The following KIAA0232 variants were observed in gnomAD, a reference collection of about 807,000 sequenced individuals.
KIAA0232 encodes uncharacterized protein KIAA0232.
Under a neutral mutation model 122.0 loss-of-function variants are expected in KIAA0232, and 27 were observed. The observed-to-expected ratio is 0.22, with a 90% CI of 0.16 to 0.31. KIAA0232 has a LOEUF of 0.31. KIAA0232 is among the 10% of genes least tolerant of loss of function. The pLI, the probability that KIAA0232 is intolerant of heterozygous loss-of-function variation, is 1.00. For synonymous variants in KIAA0232, 613 were observed against 587.6 expected (o/e 1.04, Z -0.63); for missense variants, 1,551 against 1,634.2 (o/e 0.95, Z 0.88).
intron 9 of KIAA0232, among the ~76,000 whole-genome samples, chr4:6,879,216 G>A (rs762411015): frequency 6.6e-6 from 1 of 152,030 alleles, no homozygotes; most frequent in Non-Finnish European, 1.5e-5. Context: ...ATGACCTCAC[G>A]AGCAGTATCT....
At chr4:6,812,275 C>A (rs1463733847) in intron 2 of KIAA0232, among the ~76,000 whole-genome samples, 1 of 152,116 alleles carries the variant, frequency 6.6e-6, no homozygotes, top group Non-Finnish European at 1.5e-5. Context: ...TGGAAATGTA[C>A]TATATTTGCA....
In KIAA0232 at chr4:6,824,662, A is replaced by G. The variant is rs753539349; in HGVS notation, c.209A>G (p.Tyr70Cys). ...CTCAGTCTTCTGCTGCATGACAGCT[A>G]TGACTACGACCTGCAGGAACAGGTA... ...YVLSLLLHDS[Y>C]DYDLQEQEND... is the part of the protein sequence containing the mutation. Residue 70 changes from tyrosine to cysteine, a missense_variant, in exon 3 of 10, where the codon TAT (tyrosine) becomes TGT (cysteine). By Grantham distance (194) the Tyr-to-Cys change is radical. Coordinates refer to ENST00000307659, the MANE Select transcript of KIAA0232 (RefSeq NM_014743.3). 45 of 1,613,944 alleles carry G rather than the reference A, an allele frequency of 2.8e-5. No homozygotes were observed. Among genetic ancestry groups the G allele is most frequent in the East Asian group, 4.5e-5 (2 of 44,904 alleles).
chr4:6,858,054 A>C (rs964323660), intron 5 of KIAA0232, among the ~76,000 whole-genome samples: 5 of 152,262 alleles, frequency 3.3e-5, no homozygotes, highest in African/African-American at 9.6e-5. Context: ...AAGATGAGTC[A>C]ATGTAAAGTC....
At chr4:6,812,719 A>C (rs1717934475) in intron 2 of KIAA0232, among the ~76,000 whole-genome samples, 1 of 152,172 alleles carries the variant, frequency 6.6e-6, no homozygotes, top group Non-Finnish European at 1.5e-5. Context: ...ATATCGGTTG[A>C]ATAGAGCTGC....
intron 3 of KIAA0232, among the ~76,000 whole-genome samples, chr4:6,833,831 A>G (rs1490993124): frequency 1.3e-5 from 2 of 152,050 alleles, no homozygotes; most frequent in Non-Finnish European, 2.9e-5. Context: ...GGGTGAAAAA[A>G]CTTGTACTAC....
Position 6,872,207 on chromosome 4 carries a change from C to G in KIAA0232, c.3910+525C>G, listed in dbSNP as rs551107894. Among the ~76,000 whole-genome samples the G allele has an allele frequency of 4.6e-5, 7 of 152,236 alleles. No homozygotes were observed. The South Asian group carries it at 1.5e-3, about 32-fold the overall frequency. ...AGGTCAGATGTTGTTTAGAACAATTCTAGTAACAGAGTGGAAATGGAATTG... is the reference window on the plus strand; with the variant it reads ...AGGTCAGATGTTGTTTAGAACAATTGTAGTAACAGAGTGGAAATGGAATTG... On this transcript the variant is annotated intron_variant, in intron 8 of 9. Transcript: ENST00000307659.
intron 3 of KIAA0232, among the ~76,000 whole-genome samples, chr4:6,827,910 G>C (rs1560177820): frequency 6.6e-6 from 1 of 151,756 alleles, no homozygotes; most frequent in Non-Finnish European, 1.5e-5. Flanking sequence ...TACTCTGTCT[G>C]GGAAGTATAT....
intron 9 of KIAA0232, among the ~76,000 whole-genome samples, chr4:6,876,974 C>T (rs1177025557): frequency 2.6e-5 from 4 of 152,210 alleles, no homozygotes; most frequent in Non-Finnish European, 5.9e-5. Flanking sequence ...GCCAGTGCTT[C>T]CTGAAGAATC....
intron 4 of KIAA0232, among the ~76,000 whole-genome samples, chr4:6,854,208 G>A (rs1452295700): frequency 1.3e-5 from 2 of 152,178 alleles, no homozygotes; most frequent in Non-Finnish European, 2.9e-5. Context: ...AAGTGACTAA[G>A]GTGACAGGGA....
At chr4:6,795,225 C>T (rs796381797) in intron 1 of KIAA0232, among the ~76,000 whole-genome samples, 9 of 152,222 alleles carry the variant, frequency 5.9e-5, no homozygotes, top group African/African-American at 2.2e-4. Flanking sequence ...CACCCACCAC[C>T]ACGCCTAGCT....
chr4:6,798,433 G>A (rs929220251), intron 1 of KIAA0232, among the ~76,000 whole-genome samples: 2 of 152,188 alleles, frequency 1.3e-5, no homozygotes, highest in Non-Finnish European at 2.9e-5. Flanking sequence ...AACCTGTGTA[G>A]TGTAGCATTG....
chr4:6,803,397 T>C (rs546638665), intron 1 of KIAA0232, among the ~76,000 whole-genome samples: 2 of 152,260 alleles, frequency 1.3e-5, no homozygotes, highest in African/African-American at 4.8e-5. Flanking sequence ...ATGCCAAACA[T>C]TGAAACATGA....
At position 6,881,034 on chromosome 4, in the gene KIAA0232, C is replaced by A; in HGVS notation, c.*68C>A. 1 of 1,151,752 alleles carries A rather than the reference C, an allele frequency of 8.7e-7. No homozygotes were observed. The highest frequency in any genetic ancestry group is 1.1e-6 in the Non-Finnish European group (1 of 875,554). The allele number at this position is 1,151,752 out of a possible 1,614,324, so 71.3% of individuals were successfully genotyped here. Reference sequence around the variant, plus strand: ...ATGGAAAATTACTCTTCAGTGAGACCTGTTAATCTAAAACAACAACTTAGG... The same window carrying A: ...ATGGAAAATTACTCTTCAGTGAGACATGTTAATCTAAAACAACAACTTAGG... On this transcript the variant is annotated 3_prime_UTR_variant, in exon 10 of 10. Coordinates refer to ENST00000307659, the MANE Select transcript of KIAA0232 (RefSeq NM_014743.3).
chr4:6,821,658 GTA>G (rs1718430327), intron 2 of KIAA0232, among the ~76,000 whole-genome samples: 1 of 147,504 alleles, frequency 6.8e-6, no homozygotes. Flanking sequence ...GTATATACGT[GTA>G]TGTGTATACA....
rs1266836187 is a variant in KIAA0232 at position 6,842,610 on chromosome 4, G to C, written c.369+406G>C. 2.7e-5 allele frequency among the ~76,000 whole-genome samples: 4 copies of C among 145,504 alleles called. No individual in the cohort carries two copies. The East Asian group carries it at 8.0e-4, about 29-fold the overall frequency. ...ATTTTTTTTTTTTTTTTTTAAGACA[G>C]TGTCTCACTCTGTCGCCCAGGCTGG... is the stretch of plus-strand genomic sequence containing the variant. On this transcript the variant is annotated intron_variant, in intron 4 of 9. Coordinates refer to ENST00000307659, the MANE Select transcript of KIAA0232 (RefSeq NM_014743.3).
intron 2 of KIAA0232, among the ~76,000 whole-genome samples, chr4:6,821,186 A>G (rs1022707319): frequency 6.6e-6 from 1 of 152,174 alleles, no homozygotes; most frequent in South Asian, 2.1e-4. Flanking sequence ...CATTTGTTTC[A>G]CTTTCATTTT....
At position 6,862,615 on chromosome 4, in the gene KIAA0232, G is replaced by A. The variant is rs1253121492; in HGVS notation, c.2233G>A (p.Val745Ile). 6.2e-7 allele frequency: 1 copy of A among 1,613,690 alleles called. No individual in the cohort carries two copies. The highest frequency in any genetic ancestry group is 8.5e-7 in the Non-Finnish European group (1 of 1,179,896). The change falls in exon 7 of 10, where the codon GTA becomes ATA. Residue 745 changes from valine (V) to isoleucine (I), a missense_variant. Physicochemically the swap from Val to Ile is conservative, Grantham distance 29. Around this residue, in one of 5 missense-constraint regions of KIAA0232, gnomAD observed 1,108 missense variants for 1,154.8 expected, o/e 0.96. Coordinates refer to ENST00000307659, the MANE Select transcript of KIAA0232 (RefSeq NM_014743.3). ...TQFNAEDINY[V>I]VPRVSSNYVD... is the part of the protein sequence containing the mutation. ...GTTTAATGCCGAAGATATTAATTAT[G>A]TAGTTCCTAGAGTCTCGTCAAATTA...
chr4:6,859,112 A>G (rs931450689), intron 6 of KIAA0232, among the ~76,000 whole-genome samples: 60 of 151,574 alleles, frequency 4.0e-4, no homozygotes, highest in African/African-American at 1.3e-3. Context: ...AAAAAAAAAA[A>G]AAAAAAAAAA....
chr4:6,793,351 C>T (rs1372104975), intron 1 of KIAA0232, among the ~76,000 whole-genome samples: 1 of 152,176 alleles, frequency 6.6e-6, no homozygotes, highest in Non-Finnish European at 1.5e-5. Context: ...ACGAATGCTA[C>T]AGACTTTCAG....
Sources: gnomAD v4.1 joint callset for allele counts (sites outside exome capture counted in the v4.1 genomes callset) on GRCh38, gnomAD v4.1.1 for gene constraint, gnomAD v4.1.1 regional missense constraint, MANE v1.5 for transcripts, NCBI Gene and HGNC (gene_info 2026-07-23, HGNC 2026-07-21) for gene names.